Variants in LAMB1 observed in about 807,000 individuals in gnomAD.
LAMB1 encodes laminin subunit beta-1.
A neutral mutation model predicts 222.3 loss-of-function variants in LAMB1; 121 were observed. The observed-to-expected ratio is 0.54, with a 90% CI of 0.47 to 0.63. The LOEUF (loss-of-function observed/expected upper bound fraction) is 0.63. LAMB1 is among the 30% of genes least tolerant of loss of function. LAMB1 has a pLI of 0.00. For missense variants in LAMB1, 2,172 were observed against 2,240.8 expected (o/e 0.97, Z 0.62); for synonymous variants, 794 against 807.2 (o/e 0.98, Z 0.28).
At position 107,986,230 on chromosome 7, in the gene LAMB1, T is replaced by G. The variant is rs750744700; in HGVS notation, c.557A>C (p.Asp186Ala). The change falls in exon 6 of 34, where the codon GAT becomes GCT. Residue 186 changes from aspartate (D) to alanine (A), a missense_variant. Transcript: ENST00000222399. ...GISTGPMKKV[D>A]DIICDSRYSD... is the part of the protein sequence containing the mutation. The stretch of plus-strand genomic sequence containing the variant: ...ATATCGAGAATCACAAATTATGTCA[T>G]CGACTTTTTTCATGGGGCCAGTTGA... 2.5e-6 allele frequency: 4 copies of G among 1,614,086 alleles called. No individual in the cohort carries two copies. Among genetic ancestry groups the G allele is most frequent in the Admixed American group, 1.7e-5 (1 of 60,010 alleles).
chr7:107,976,548 ACT>A (rs941710035), intron 9 of LAMB1, among the ~76,000 whole-genome samples: 3 of 151,700 alleles, frequency 2.0e-5, no homozygotes, highest in African/African-American at 7.3e-5. Context: ...GGGAAGCTTG[ACT>A]CAGCCTGGCC....
In LAMB1 at chr7:107,929,496, A is replaced by G. The variant is rs141041930; in HGVS notation, c.4661T>C (p.Leu1554Pro). 1.9e-6 allele frequency: 3 copies of G among 1,614,054 alleles called. No homozygotes were observed. The highest frequency in any genetic ancestry group is 2.5e-6 in the Non-Finnish European group (3 of 1,180,014). The change falls in exon 30 of 34, where the codon CTT becomes CCT. Residue 1554 changes from leucine (L) to proline (P), a missense_variant. Leu to Pro is a moderately conservative substitution (Grantham distance 98). Transcript: ENST00000222399. Reference sequence around the variant, plus strand: ...CTGAAGAATAACCTCTACTTGAGAAAGGCTTTCAACTCGTTCACGTATATC... The same window carrying G: ...CTGAAGAATAACCTCTACTTGAGAAGGGCTTTCAACTCGTTCACGTATATC... ...TEDIRERVESLSQVEVILQHS... is the reference protein window; with the variant it reads ...TEDIRERVESPSQVEVILQHS...
intron 31 of LAMB1, among the ~76,000 whole-genome samples, chr7:107,926,886 T>C (rs1172830836): frequency 6.6e-6 from 1 of 152,108 alleles, no homozygotes; most frequent in Non-Finnish European, 1.5e-5. Context: ...TCTGGGAACG[T>C]TACAGCTGTA....
At chr7:107,971,249 A>ATATCTAGTTTTTAACATCT (rs2033742764) in intron 13 of LAMB1, among the ~76,000 whole-genome samples, 1 of 152,198 alleles carries the variant, frequency 6.6e-6, no homozygotes, top group African/African-American at 2.4e-5. Context: ...TAAGGAGTAC[A>ATATCTAGTTTTTAACATCT]TATCTAGTTT....
At chr7:107,998,161 T>G (rs1036297838) in intron 4 of LAMB1, among the ~76,000 whole-genome samples, 196 bp downstream of exon 4, 2 of 152,208 alleles carry the variant, frequency 1.3e-5, no homozygotes, top group African/African-American at 4.8e-5. Flanking sequence ...GACTGCTTTC[T>G]TATAGGAAAT....
intron 2 of LAMB1, chr7:108,002,164 C>T (rs995705435): frequency 5.6e-6 from 8 of 1,432,228 alleles, no homozygotes; most frequent in East Asian, 3.2e-5. Context: ...GCAGCCCGCG[C>T]ATCCTCGGTG....
intron 5 of LAMB1, among the ~76,000 whole-genome samples, chr7:107,990,041 G>GT (rs1215429980): frequency 6.7e-6 from 1 of 149,954 alleles, no homozygotes; most frequent in African/African-American, 2.5e-5. Flanking sequence ...TTTTTTGTTT[G>GT]TTTGTTTTGT....
chr7:107,971,024 G>A lies in LAMB1; in HGVS notation c.1562+1968C>T, dbSNP rs147143712. On this transcript the variant is annotated intron_variant, in intron 13 of 33. Coordinates refer to ENST00000222399, the MANE Select transcript of LAMB1 (RefSeq NM_002291.3). The stretch of plus-strand genomic sequence containing the variant: ...TAGGATTACAGGCATGAGCCAACGC[G>A]CCTGGCCACTTCTTTAATTATTCCA... Among the ~76,000 whole-genome samples the A allele has an allele frequency of 2.6e-3, 402 of 152,282 alleles. 4 individuals carry two copies. The highest frequency in any genetic ancestry group is 4.0e-3 in the African/African-American group (168 of 41,550).
intron 13 of LAMB1, among the ~76,000 whole-genome samples, chr7:107,970,487 T>G (rs1306095232): frequency 3.8e-5 from 1 of 26,376 alleles, no homozygotes; most frequent in African/African-American, 2.3e-4. Flanking sequence ...AAACTCTGTC[T>G]CAAAAAAAAA....
intron 3 of LAMB1, among the ~76,000 whole-genome samples, chr7:108,000,757 G>C (rs190407239): frequency 3.9e-5 from 6 of 152,174 alleles, no homozygotes; most frequent in African/African-American, 1.4e-4. Flanking sequence ...GTCCAGGCTG[G>C]TCTTGAACAC....
chr7:107,983,494 A>G (rs974758954), intron 7 of LAMB1, among the ~76,000 whole-genome samples: 6 of 151,858 alleles, frequency 4.0e-5, no homozygotes, highest in Non-Finnish European at 8.8e-5. Context: ...TGTACTGAAC[A>G]CATTTATGAT....
rs1291318169 is a variant in LAMB1 at position 107,960,457 on chromosome 7, G to A, written c.2302C>T (p.Gln768Ter). The change falls in exon 18 of 34, where the codon CAG becomes TAG. Residue 768 changes from glutamine to a stop codon, truncating the protein, a stop_gained. Coordinates refer to ENST00000222399, the MANE Select transcript of LAMB1 (RefSeq NM_002291.3). LOFTEE classifies it high-confidence loss of function. ...CAGCAATACCTACCCAGGCCTGTCT[G>A]GTGTAACAGGGCAGAAATGCTAAAG... ...IIFSISALLHQTGLACECDPQ... is the reference protein window; with the variant it reads ...IIFSISALLH The A allele has an allele frequency of 6.2e-7, 1 of 1,613,414 alleles. No individual in the cohort carries two copies. The highest frequency in any genetic ancestry group is 1.7e-5 in the Admixed American group (1 of 60,008).
At chr7:107,986,570 T>A (rs1003037610) in intron 5 of LAMB1, among the ~76,000 whole-genome samples, 2 of 152,196 alleles carry the variant, frequency 1.3e-5, no homozygotes, top group African/African-American at 4.8e-5. Context: ...CTAAAATGTA[T>A]ACTTTTCCCC....
At chr7:107,981,965 C>G (rs752530655) in intron 7 of LAMB1, among the ~76,000 whole-genome samples, 1 of 152,194 alleles carries the variant, frequency 6.6e-6, no homozygotes, top group Non-Finnish European at 1.5e-5. Flanking sequence ...CCCAGTTTTA[C>G]AAAACGTTTC....
intron 24 of LAMB1, among the ~76,000 whole-genome samples, chr7:107,947,843 G>T (rs1012925121): frequency 6.6e-6 from 1 of 152,062 alleles, no homozygotes; most frequent in Non-Finnish European, 1.5e-5. Flanking sequence ...ACCCCATTAT[G>T]GTGATGACCC....
At chr7:107,964,732 G>A (rs771049220) in intron 13 of LAMB1, 45 bp from the exon 14 acceptor site, 96 of 1,604,174 alleles carry the variant, frequency 6.0e-5, no homozygotes, top group South Asian at 3.8e-4. Flanking sequence ...ATGGTCACGC[G>A]AGTCAACCCG....
At chr7:107,960,860 C>T (rs2033482836) in intron 17 of LAMB1, among the ~76,000 whole-genome samples, 1 of 152,208 alleles carries the variant, frequency 6.6e-6, no homozygotes, top group African/African-American at 2.4e-5. Flanking sequence ...CTTTTAAATG[C>T]TATTTATTTT....
At chr7:107,986,580 C>T (rs531712222) in intron 5 of LAMB1, among the ~76,000 whole-genome samples, 1 of 152,264 alleles carries the variant, frequency 6.6e-6, no homozygotes, top group East Asian at 1.9e-4. Context: ...TACTTTTCCC[C>T]ACCCTACTGG....
intron 5 of LAMB1, among the ~76,000 whole-genome samples, chr7:107,987,136 G>T (rs1362582616): frequency 1.3e-5 from 2 of 152,204 alleles, no homozygotes; most frequent in African/African-American, 4.8e-5. Context: ...GGAATGAAAT[G>T]CCAATACATG....
Sources: allele counts gnomAD v4.1 joint callset (sites outside exome capture counted in the v4.1 genomes callset), GRCh38; gene constraint gnomAD v4.1.1; transcripts MANE v1.5; gene names NCBI Gene and HGNC (gene_info 2026-07-23, HGNC 2026-07-21).